Variants in PARP6 observed in about 807,000 individuals in gnomAD.
The protein encoded by PARP6 is poly(ADP-ribose) polymerase family member 6.
A neutral mutation model predicts 92.0 loss-of-function variants in PARP6; 27 were observed. The observed-to-expected ratio is 0.29, with a 90% CI of 0.22 to 0.40. PARP6 has a LOEUF of 0.40. Among genes scored for constraint, PARP6 ranks in the 10% least tolerant of loss-of-function variants. The probability of loss-of-function intolerance (pLI) is 1.00; values close to 1 mark genes in which losing one functional copy is unlikely to be tolerated. For missense variants in PARP6, 501 were observed against 784.5 expected (o/e 0.64, Z 4.32); for synonymous variants, 272 against 281.2 (o/e 0.97, Z 0.33).
intron 11 of PARP6, among the ~76,000 whole-genome samples, chr15:72,258,984 A>G (rs958652128): frequency 6.6e-6 from 1 of 152,240 alleles, no homozygotes; most frequent in Non-Finnish European, 1.5e-5. Context: ...ATGTTTATAA[A>G]TTAATAACAA....
At position 72,250,306 on chromosome 15, in the gene PARP6, C is replaced by T. The variant is rs149640419; in HGVS notation, c.1419-214G>A. ...TCTATTTCCAGTCCCATCCTCTCTT[C>T]GGTGCTTCAGCTACTCCCATCCTAA... On this transcript the variant is annotated intron_variant, in intron 18 of 23. Transcript: ENST00000569795. The T allele has an allele frequency of 8.5e-3, 4,181 of 491,494 alleles. 33 individuals are homozygous for T. The highest frequency in any genetic ancestry group is 0.012 in the Non-Finnish European group (3,096 of 267,480). 30.4% of individuals were successfully genotyped at this position (491,494 alleles called of 1,614,324 possible).
At chr15:72,263,947 C>T (rs1252469871) in intron 8 of PARP6, among the ~76,000 whole-genome samples, 1 of 150,548 alleles carries the variant, frequency 6.6e-6, no homozygotes, top group Non-Finnish European at 1.5e-5. Context: ...CACTTGAACT[C>T]AGGAGGCAGA....
intron 15 of PARP6, 175 bp from the exon 16 acceptor site, chr15:72,253,679 C>A (rs2084669764): frequency 2.9e-6 from 2 of 696,466 alleles, no homozygotes; most frequent in African/African-American, 1.8e-5. Flanking sequence ...TGGGAAGACT[C>A]ATAAATAAAT....
At position 72,246,961 on chromosome 15, in the gene PARP6, T is replaced by C. The variant is rs531249481; in HGVS notation, c.1561+2284A>G. On this transcript the variant is annotated intron_variant, in intron 20 of 23. Transcript: ENST00000569795. ...TTAGTAGAGATGGGGCTTCTCCCTG[T>C]TGGTCAGGCTGGTCTCAAACTCCCA... Among the ~76,000 whole-genome samples, 10 of 152,258 alleles carry C rather than the reference T, an allele frequency of 6.6e-5. No homozygotes were observed. The East Asian group carries it at 1.5e-3, about 24-fold the overall frequency.
At chr15:72,255,784 CTTTTTTTTTTTT>C (rs67560148) in intron 14 of PARP6, among the ~76,000 whole-genome samples, 6 of 92,810 alleles carry the variant, frequency 6.5e-5, no homozygotes, top group African/African-American at 1.6e-4. Context: ...TTACTTCTCT[CTTTTTTTTTTTT>C]TTTTTTTTTT....
At chr15:72,249,088 GAA>G (rs2083992896) in intron 20 of PARP6, 155 bp downstream of exon 20, 1 of 426,982 alleles carries the variant, frequency 2.3e-6, no homozygotes, top group Non-Finnish European at 4.2e-6. Context: ...TTTCTAATAA[GAA>G]AATGTAGAGA....
At chr15:72,257,985 G>T in intron 12 of PARP6, 52 bp downstream of exon 12, 1 of 1,196,934 alleles carries the variant, frequency 8.4e-7, no homozygotes, top group Non-Finnish European at 1.3e-6. Context: ...ATAAAGGAGA[G>T]GAGTGAAGGG....
chr15:72,241,781 C>A lies in PARP6; in HGVS notation c.1790+120G>T. On this transcript the variant is annotated intron_variant, in intron 23 of 23. Transcript: ENST00000569795. This position sits in a 1 kb window ranked among gnomAD's most constrained non-coding sequence, Gnocchi z 4.1. The stretch of plus-strand genomic sequence containing the variant: ...CAATGGTAAAGTCCCAGTGACAGCT[C>A]CACTCAGGTAGCCAAGGACATGTCT... 1.2e-6 allele frequency: 1 copy of A among 837,618 alleles called. No homozygotes were observed. Among genetic ancestry groups the A allele is most frequent in the Non-Finnish European group, 2.0e-6 (1 of 492,882 alleles). The allele number at this position is 837,618 out of a possible 1,614,324, so 51.9% of individuals were successfully genotyped here. A position where few individuals can be genotyped will look rare whatever the true frequency, so the allele number is the denominator to read the frequency against.
In PARP6 at chr15:72,257,413, C is replaced by T. The variant is rs894536131; in HGVS notation, c.934G>A (p.Val312Ile). The part of the protein sequence containing the change: ...KPAVCTRELC[V>I]FSFYTLGVMS... Reference sequence around the variant, plus strand: ...ACGCCCAGTGTGTAGAAGGAGAAAACGCATAGTTCACGAGTACAGACAGCT... The same window carrying T: ...ACGCCCAGTGTGTAGAAGGAGAAAATGCATAGTTCACGAGTACAGACAGCT... Residue 312 changes from valine (V) to isoleucine (I), a missense_variant, in exon 13 of 24, where the codon GTT becomes ATT. Val to Ile is a conservative substitution (Grantham distance 29). Transcript: ENST00000569795. 9 of 1,613,862 alleles carry T rather than the reference C, an allele frequency of 5.6e-6. No homozygotes were observed. The highest frequency in any genetic ancestry group is 3.3e-5 in the Admixed American group (2 of 59,984).
chr15:72,264,658 T>C (rs897018579), intron 7 of PARP6, 37 bp from the exon 8 acceptor site: 1 of 1,543,598 alleles, frequency 6.5e-7, no homozygotes, highest in African/African-American at 1.4e-5. Flanking sequence ...TAAGTACATA[T>C]CTCTTGTCTT....
intron 11 of PARP6, 91 bp downstream of exon 11, chr15:72,259,517 A>G (rs922481300): frequency 9.2e-6 from 9 of 980,384 alleles, no homozygotes; most frequent in African/African-American, 3.2e-5. Flanking sequence ...CAATTCAGAA[A>G]GTATTTGATT....
rs897451420 is a variant in PARP6, at chr15:72,243,492, TCAAA to T, written c.1562-797_1562-794del. The T allele has an allele frequency of 2.2e-4, 33 of 152,328 alleles. 1 individual carries two copies. Among genetic ancestry groups the T allele is most frequent in the Admixed American group, 1.8e-3 (28 of 15,300 alleles). The allele number at this position is 152,328 out of a possible 1,614,324, so 9.4% of individuals were successfully genotyped here. ...GGCAACTAACTTGAAGAATCCTACTTCAAACAGTCTTCCCAGGCTTGAGAAAGAA... is the reference window on the plus strand; with the variant it reads ...GGCAACTAACTTGAAGAATCCTACTTCAGTCTTCCCAGGCTTGAGAAAGAA... On this transcript the variant is annotated intron_variant, in intron 20 of 23. Coordinates refer to ENST00000569795, the MANE Select transcript of PARP6 (RefSeq NM_001323532.2).
chr15:72,244,417 T>C (rs1596882731), intron 20 of PARP6: 3 of 152,350 alleles, frequency 2.0e-5, no homozygotes, highest in African/African-American at 7.2e-5. Context: ...AGATGTTCTG[T>C]GTCCAGAGTA....
intron 2 of PARP6, among the ~76,000 whole-genome samples, chr15:72,270,295 G>A (rs1210738800): frequency 1.3e-5 from 2 of 152,126 alleles, no homozygotes; most frequent in Non-Finnish European, 2.9e-5. Context: ...GATAACAGAT[G>A]AAATAAATAC....
At chr15:72,251,393 A>G in intron 16 of PARP6, 138 bp from the exon 17 acceptor site, 1 of 579,518 alleles carries the variant, frequency 1.7e-6, no homozygotes, top group African/African-American at 1.9e-5. Flanking sequence ...TGAAATGTCA[A>G]GGTCACTATC....
chr15:72,257,754 C>T (rs1459393571), intron 12 of PARP6, among the ~76,000 whole-genome samples: 4 of 152,192 alleles, frequency 2.6e-5, no homozygotes, highest in Admixed American at 6.5e-5. Context: ...CCCATCTGGA[C>T]TTAGAGTCCT....
Position 72,241,464 on chromosome 15 carries a change from G to A in PARP6, c.1884C>T (p.Tyr628=), listed in dbSNP as rs2083045447. 1 of 1,613,298 alleles carries A rather than the reference G, an allele frequency of 6.2e-7. No homozygotes were observed. The highest frequency in any genetic ancestry group is 8.5e-7 in the Non-Finnish European group (1 of 1,179,188). The stretch of plus-strand genomic sequence containing the variant: ...GAGGGCTGGGGCCCCCTCAGTTTGT[G>A]TAAACCTGAGTTCCGATCACACGCA... The part of the protein sequence containing the change: ...EIMRVIGTQV[Y]TN The change falls in exon 24 of 24, where the codon TAC becomes TAT. Residue 628 remains tyrosine, a synonymous_variant. Transcript: ENST00000569795. This position sits in a 1 kb window ranked among gnomAD's most constrained non-coding sequence, Gnocchi z 4.1.
At position 72,249,241 on chromosome 15, in the gene PARP6, T is replaced by C; in HGVS notation, c.1561+4A>G. Reference sequence around the variant, plus strand: ...AGTCAAGGTGGCCACAGAATATTTCTTACCTGAGTATCCAAAGGAAATACT... The same window carrying C: ...AGTCAAGGTGGCCACAGAATATTTCCTACCTGAGTATCCAAAGGAAATACT... On this transcript the variant is annotated splice_donor_region_variant and intron_variant, in intron 20 of 23. Transcript: ENST00000569795. 6.3e-7 allele frequency: 1 copy of C among 1,576,384 alleles called. No individual in the cohort carries two copies. The highest frequency in any genetic ancestry group is 8.7e-7 in the Non-Finnish European group (1 of 1,147,504).
chr15:72,261,293 A>G (rs752024567), intron 9 of PARP6, among the ~76,000 whole-genome samples: 2 of 152,256 alleles, frequency 1.3e-5, no homozygotes, highest in Non-Finnish European at 2.9e-5. Flanking sequence ...ACAAAAGAAC[A>G]GAAAGATGGA....
Sources: allele counts gnomAD v4.1 joint callset (sites outside exome capture counted in the v4.1 genomes callset), GRCh38; gene constraint gnomAD v4.1.1; non-coding constraint Gnocchi (gnomAD v3.1); transcripts MANE v1.5; gene names NCBI Gene and HGNC (gene_info 2026-07-23, HGNC 2026-07-21).